The following GABRB2 variants were observed in gnomAD, a reference collection of about 807,000 sequenced individuals.
GABRB2 encodes gamma-aminobutyric acid receptor subunit beta-2.
A neutral mutation model predicts 54.7 loss-of-function variants in GABRB2; 16 were observed. The observed-to-expected ratio is 0.29, with a 90% CI of 0.20 to 0.44. The LOEUF is 0.44. Ranked by LOEUF, GABRB2 falls within the 20% of genes least tolerant of loss-of-function variation. The probability of loss-of-function intolerance (pLI) is 1.00; values close to 1 mark genes in which losing one functional copy is unlikely to be tolerated. For synonymous variants in GABRB2, 244 were observed against 233.8 expected, an observed-to-expected ratio of 1.04 and a Z score of -0.40; for missense variants, 355 against 644.0, an observed-to-expected ratio of 0.55 and a Z score of 4.86.
At chr5:161,343,860 A>G (rs1229724014) in intron 5 of GABRB2, among the ~76,000 whole-genome samples, 1 of 152,114 alleles carries the variant, frequency 6.6e-6, no homozygotes, top group Non-Finnish European at 1.5e-5. Flanking sequence ...TAATGTTGAC[A>G]AGTCAGAAAA....
intron 5 of GABRB2, 58 bp downstream of exon 5, chr5:161,410,917 C>T: frequency 7.5e-7 from 1 of 1,339,634 alleles, no homozygotes; most frequent in Non-Finnish European, 1.1e-6. Context: ...GACTGGAGGC[C>T]TCTGCGTAAG....
In GABRB2 at chr5:161,472,597, C is replaced by T. The variant is rs532172032; in HGVS notation, c.238-12753G>A. 1.2e-4 allele frequency among the ~76,000 whole-genome samples: 18 copies of T among 152,036 alleles called. No individual in the cohort carries two copies. The South Asian group carries it at 2.7e-3, about 23-fold the overall frequency. Reference sequence around the variant, plus strand: ...AACTCTGAAGTTGTGCAGGTATACACGTGCTCCTAAACACACAATTTTACA... The same window carrying T: ...AACTCTGAAGTTGTGCAGGTATACATGTGCTCCTAAACACACAATTTTACA... On this transcript the variant is annotated intron_variant, in intron 3 of 9. Transcript: ENST00000393959.
At chr5:161,523,102 T>G (rs997512378) in intron 3 of GABRB2, among the ~76,000 whole-genome samples, 1 of 151,546 alleles carries the variant, frequency 6.6e-6, no homozygotes, top group Non-Finnish European at 1.5e-5. Flanking sequence ...ATTATTCATA[T>G]GGAGGAGAAA....
chr5:161,334,426 A>C (rs1325414400), intron 7 of GABRB2, among the ~76,000 whole-genome samples: 3 of 152,196 alleles, frequency 2.0e-5, no homozygotes, highest in Non-Finnish European at 4.4e-5. Flanking sequence ...AGGTCTTCTT[A>C]GGTAAAGAAG....
rs1481789032 is a variant in GABRB2, at chr5:161,339,936, A to G, written c.542-3167T>C. Among the ~76,000 whole-genome samples, 5 of 152,124 alleles carry G rather than the reference A, an allele frequency of 3.3e-5. No homozygotes were observed. The East Asian group carries it at 5.8e-4, about 18-fold the overall frequency. ...CCCACCATTAGGACATAAAAAATACATGCTATGTTTAAGAAATGTCCATTT... is the reference window on the plus strand; with the variant it reads ...CCCACCATTAGGACATAAAAAATACGTGCTATGTTTAAGAAATGTCCATTT... On this transcript the variant is annotated intron_variant, in intron 5 of 9. Transcript: ENST00000393959.
intron 5 of GABRB2, 112 bp from the exon 6 acceptor site, chr5:161,336,881 A>G (rs1754011634): frequency 9.8e-6 from 11 of 1,121,642 alleles, no homozygotes; most frequent in Non-Finnish European, 9.9e-6. Flanking sequence ...TAAATAATAT[A>G]AAGATATAGC....
chr5:161,305,824 T>C (rs1287866628), intron 9 of GABRB2, among the ~76,000 whole-genome samples: 1 of 152,148 alleles, frequency 6.6e-6, no homozygotes, highest in Non-Finnish European at 1.5e-5. Context: ...GTAAAGGCAG[T>C]GGGGAGAAGA....
chr5:161,397,136 T>A (rs1756026837), intron 5 of GABRB2, among the ~76,000 whole-genome samples: 1 of 152,202 alleles, frequency 6.6e-6, no homozygotes, highest in Non-Finnish European at 1.5e-5. Flanking sequence ...AATTTTATCC[T>A]GTTAGCATGA....
At chr5:161,368,116 G>C (rs1255368818) in intron 5 of GABRB2, among the ~76,000 whole-genome samples, 183 of 144,974 alleles carry the variant, frequency 1.3e-3, no homozygotes, top group South Asian at 2.3e-3. Context: ...CTCCCTCTCT[G>C]ACACACACAC....
At chr5:161,473,174 G>A (rs1758496714) in intron 3 of GABRB2, among the ~76,000 whole-genome samples, 1 of 151,972 alleles carries the variant, frequency 6.6e-6, no homozygotes, top group South Asian at 2.1e-4. Flanking sequence ...AATGCTTAGA[G>A]GATTTTCCAA....
intron 3 of GABRB2, among the ~76,000 whole-genome samples, chr5:161,480,919 C>T (rs1178518011): frequency 1.3e-5 from 2 of 151,772 alleles, no homozygotes; most frequent in Non-Finnish European, 2.9e-5. Context: ...GAAAACATTC[C>T]CATTATCAAT....
intron 9 of GABRB2, among the ~76,000 whole-genome samples, chr5:161,306,813 T>G (rs1757703493): frequency 6.6e-6 from 1 of 151,858 alleles, no homozygotes; most frequent in Admixed American, 6.6e-5. Context: ...TTAGAAGCAC[T>G]GAAGGGAACT....
chr5:161,419,391 A>G (rs1049437134), intron 4 of GABRB2, among the ~76,000 whole-genome samples: 1 of 152,214 alleles, frequency 6.6e-6, no homozygotes. Flanking sequence ...TTTATGAAAA[A>G]CAGTATGGAG....
Position 161,453,875 on chromosome 5 carries a change from A to G in GABRB2, c.458+5749T>C, listed in dbSNP as rs368326796. On this transcript the variant is annotated intron_variant, in intron 4 of 9. Coordinates refer to ENST00000393959, the MANE Select transcript of GABRB2 (RefSeq NM_001371727.1). ...AACATGTTGAAACCCTGTCTCTACT[A>G]AAAATACAAATAATTAGCCAGGTGT... Among the ~76,000 whole-genome samples the G allele has an allele frequency of 8.5e-4, 129 of 152,092 alleles. 1 individual carries two copies. The South Asian group carries it at 0.025, about 30-fold the overall frequency.
At chr5:161,509,433 A>G (rs1420526760) in intron 3 of GABRB2, among the ~76,000 whole-genome samples, 1 of 151,720 alleles carries the variant, frequency 6.6e-6, no homozygotes, top group Non-Finnish European at 1.5e-5. Context: ...CACTTATCCC[A>G]TTTTCTGCAT....
chr5:161,544,916 A>G (rs1280130636), intron 3 of GABRB2, among the ~76,000 whole-genome samples: 2 of 152,124 alleles, frequency 1.3e-5, no homozygotes, highest in Non-Finnish European at 2.9e-5. Context: ...CACTTAATGA[A>G]CTGGGTTTCT....
At position 161,428,287 on chromosome 5, in the gene GABRB2, A is replaced by ATGTGTGTGTG. The variant is rs1561646509; in HGVS notation, c.459-17231_459-17230insCACACACACA. On this transcript the variant is annotated intron_variant, in intron 4 of 9. Transcript: ENST00000393959. ...AACATATCTATCATCTCAGAGAGTT[A>ATGTGTGTGTG]CGTGTGTGTGTGTGTGTGTGTGTGT... Among the ~76,000 whole-genome samples, 274 of 129,022 alleles carry ATGTGTGTGTG rather than the reference A, an allele frequency of 2.1e-3. 1 individual carries two copies. The highest frequency in any genetic ancestry group is 8.1e-3 in the African/African-American group (265 of 32,748). 84.6% of individuals were successfully genotyped at this position (129,022 alleles called of 152,430 possible). A position where few individuals can be genotyped will look rare whatever the true frequency, so the allele number is the denominator to read the frequency against.
At chr5:161,416,699 A>AAAAAAAAAAAAAAAAAAAAAAAAAC (rs1756683044) in intron 4 of GABRB2, among the ~76,000 whole-genome samples, 1 of 79,294 alleles carries the variant, frequency 1.3e-5, no homozygotes, top group Non-Finnish European at 2.1e-5. Context: ...TCCGTCTCAA[A>AAAAAAAAAAAAAAAAAAAAAAAAAC]AAAAAAAAAA....
intron 7 of GABRB2, among the ~76,000 whole-genome samples, chr5:161,331,832 C>T (rs983381251): frequency 1.3e-5 from 2 of 151,982 alleles, no homozygotes; most frequent in African/African-American, 4.8e-5. Flanking sequence ...ACTGTGGTGA[C>T]AGTGTGGATG....
Sources: gnomAD v4.1 joint callset for allele counts (sites outside exome capture counted in the v4.1 genomes callset) on GRCh38, gnomAD v4.1.1 for gene constraint, MANE v1.5 for transcripts, NCBI Gene and HGNC (gene_info 2026-07-23, HGNC 2026-07-21) for gene names.